QKI: variants seen among roughly 807,000 people sequenced by gnomAD.
QKI encodes the protein KH domain-containing RNA-binding protein QKI.
In QKI, 10 loss-of-function variants were observed where a neutral mutation model predicts 39.0. That is an observed-to-expected ratio of 0.26 (90% CI 0.16 to 0.43). The LOEUF is 0.43. Ranked by LOEUF, QKI falls within the 20% of genes least tolerant of loss-of-function variation. QKI has a pLI of 1.00. For missense variants in QKI, 218 were observed against 428.0 expected (o/e 0.51, Z 4.33); for synonymous variants, 204 against 155.4 (o/e 1.31, Z -2.33).
At chr6:163,471,077 C>T (rs1035103143) in intron 2 of QKI, among the ~76,000 whole-genome samples, 1 of 151,950 alleles carries the variant, frequency 6.6e-6, no homozygotes, top group African/African-American at 2.4e-5. Flanking sequence ...ATAAAGGAGA[C>T]CACACCTTGG....
intron 1 of QKI, among the ~76,000 whole-genome samples, chr6:163,439,363 T>TG (rs1789570787): frequency 3.1e-5 from 3 of 97,246 alleles, no homozygotes; most frequent in Non-Finnish European, 6.2e-5. Context: ...TTCGGGGGGG[T>TG]GGGGGACGGA....
At chr6:163,421,636 A>G (rs1314696720) in intron 1 of QKI, among the ~76,000 whole-genome samples, 2 of 149,332 alleles carry the variant, frequency 1.3e-5, no homozygotes, top group African/African-American at 2.5e-5. Flanking sequence ...TAACACAAAT[A>G]GCTATGTTTT....
chr6:163,435,752 T>A (rs1246450989), intron 1 of QKI, among the ~76,000 whole-genome samples: 1 of 150,352 alleles, frequency 6.7e-6, no homozygotes, highest in Non-Finnish European at 1.5e-5. Context: ...GCTGTATATA[T>A]GAGGAACTGC....
chr6:163,441,526 A>G (rs1789760936), intron 1 of QKI, among the ~76,000 whole-genome samples: 1 of 152,228 alleles, frequency 6.6e-6, no homozygotes, highest in South Asian at 2.1e-4. Flanking sequence ...CCTCTCAGCT[A>G]ACATTCTAAT....
chr6:163,438,134 A>T (rs1582986613), intron 1 of QKI, among the ~76,000 whole-genome samples: 1 of 152,186 alleles, frequency 6.6e-6, no homozygotes, highest in East Asian at 1.9e-4. Flanking sequence ...GTCATTTGCA[A>T]ACAGCATTTG....
At chr6:163,489,992 C>G (rs1177271078) in intron 3 of QKI, among the ~76,000 whole-genome samples, 1 of 152,110 alleles carries the variant, frequency 6.6e-6, no homozygotes, top group Non-Finnish European at 1.5e-5. Context: ...TTATTGGTAC[C>G]ATTTGACGAG....
At chr6:163,432,404 T>TC (rs1193407954) in intron 1 of QKI, among the ~76,000 whole-genome samples, 1 of 151,740 alleles carries the variant, frequency 6.6e-6, no homozygotes, top group African/African-American at 2.4e-5. Context: ...CCCCCTTTTT[T>TC]TTTTTTTAAA....
intron 4 of QKI, among the ~76,000 whole-genome samples, chr6:163,555,342 A>G (rs1782517135): frequency 6.6e-6 from 1 of 152,020 alleles, no homozygotes; most frequent in Non-Finnish European, 1.5e-5. Context: ...ATGATTGATC[A>G]CCCCAAAAAT....
intron 1 of QKI, among the ~76,000 whole-genome samples, chr6:163,429,230 A>C (rs1480738192): frequency 1.3e-5 from 2 of 152,210 alleles, no homozygotes; most frequent in Non-Finnish European, 2.9e-5. Context: ...AACTGTTATA[A>C]AGAACTTATT....
In QKI at chr6:163,481,068, A is replaced by T. The variant is rs192859115; in HGVS notation, c.402+2172A>T. Among the ~76,000 whole-genome samples the T allele has an allele frequency of 9.8e-5, 15 of 152,316 alleles. No homozygotes were observed. In the East Asian group the frequency reaches 2.7e-3, roughly 27 times the overall value. ...GTGTTTATAATAAAAGTAAAGTCAG[A>T]ATGGAATGCTTGGCCATTTGGTAAA... On this transcript the variant is annotated intron_variant, in intron 3 of 7. Transcript: ENST00000361752.
At chr6:163,541,498 C>CTT (rs34303940) in intron 4 of QKI, among the ~76,000 whole-genome samples, 23,689 of 142,280 alleles carry the variant, frequency 0.17, 2,156 homozygotes, top group East Asian at 0.25. Context: ...TATGTCTACC[C>CTT]TTTTTTTTTT....
intron 1 of QKI, among the ~76,000 whole-genome samples, chr6:163,435,762 C>CAA (rs1192612596): frequency 6.6e-6 from 1 of 152,102 alleles, no homozygotes. Context: ...TGAGGAACTG[C>CAA]AATCTTAAAG....
intron 3 of QKI, among the ~76,000 whole-genome samples, chr6:163,508,970 C>A (rs977545825): frequency 1.3e-5 from 2 of 151,674 alleles, no homozygotes; most frequent in Non-Finnish European, 2.9e-5. Context: ...GAAACCCCAA[C>A]TCTACTAAAA....
chr6:163,555,979 G>A (rs1026800463), intron 4 of QKI, among the ~76,000 whole-genome samples: 10 of 152,128 alleles, frequency 6.6e-5, no homozygotes, highest in African/African-American at 2.4e-4. Flanking sequence ...TAAACATGAG[G>A]ACTTTGAATC....
At chr6:163,570,389 GCTA>G (rs1485480693) in intron 7 of QKI, 1 of 981,268 alleles carries the variant, frequency 1.0e-6, no homozygotes, top group Non-Finnish European at 1.2e-6. Context: ...TTCATTGACT[GCTA>G]CTAACTATTA....
At chr6:163,439,850 A>T (rs1329080330) in intron 1 of QKI, among the ~76,000 whole-genome samples, 1 of 151,680 alleles carries the variant, frequency 6.6e-6, no homozygotes, top group Non-Finnish European at 1.5e-5. Context: ...GAGTTTTGCC[A>T]TGTTGACCAG....
chr6:163,576,537 G>A lies in QKI; in HGVS notation c.*5827G>A, dbSNP rs1783984324. On this transcript the variant is annotated 3_prime_UTR_variant, in exon 8 of 8. Transcript: ENST00000361752. ...ATCTTTTATGGTTTATATTGTAGTG[G>A]TATGTATGAAACATTTAAAATTTTA... The A allele has an allele frequency of 6.6e-6, 1 of 151,928 alleles. No individual in the cohort carries two copies. The highest frequency in any genetic ancestry group is 2.4e-5 in the African/African-American group (1 of 41,298). The allele number at this position is 151,928 out of a possible 1,614,324, so 9.4% of individuals were successfully genotyped here. A position where few individuals can be genotyped will look rare whatever the true frequency, so the allele number is the denominator to read the frequency against.
intron 7 of QKI, chr6:163,568,359 A>G (rs1167430082): frequency 6.1e-6 from 6 of 985,430 alleles, no homozygotes; most frequent in Non-Finnish European, 7.2e-6. Context: ...GCCTTGAGAT[A>G]GTTGGACATA....
rs1340274086 is a variant in QKI, at chr6:163,573,040, A to G, written c.*2330A>G. On this transcript the variant is annotated 3_prime_UTR_variant, in exon 8 of 8. Coordinates refer to ENST00000361752, the MANE Select transcript of QKI (RefSeq NM_006775.3). ...CAGTATTTGATCCAGTTTCATCTCA[A>G]CTATGTTATACCTGGACATTTTAGA... 4 of 152,274 alleles carry G rather than the reference A, an allele frequency of 2.6e-5. No individual in the cohort carries two copies. The highest frequency in any genetic ancestry group is 1.9e-4 in the East Asian group (1 of 5,168). 9.4% of individuals were successfully genotyped at this position (152,274 alleles called of 1,614,324 possible). A position where few individuals can be genotyped will look rare whatever the true frequency, so the allele number is the denominator to read the frequency against.
Sources: gnomAD v4.1 joint callset for allele counts (sites outside exome capture counted in the v4.1 genomes callset) on GRCh38, gnomAD v4.1.1 for gene constraint, MANE v1.5 for transcripts, NCBI Gene and HGNC (gene_info 2026-07-23, HGNC 2026-07-21) for gene names.